RFT1: variants seen among roughly 807,000 people sequenced by gnomAD.
RFT1 encodes RFT1 glycolipid translocator homolog.
In RFT1, 43 loss-of-function variants were observed where a neutral mutation model predicts 62.2. That is an observed-to-expected ratio of 0.69 (90% confidence interval 0.54 to 0.89). The LOEUF (loss-of-function observed/expected upper bound fraction) is 0.89, where lower values mean the gene tolerates loss of function less well. Ranked by LOEUF, RFT1 falls within the 40% of genes least tolerant of loss-of-function variation. The pLI is 0.00. For synonymous variants in RFT1, 262 were observed against 264.6 expected (o/e 0.99, Z 0.10); for missense variants, 605 against 649.9 (o/e 0.93, Z 0.75).
At chr3:53,093,026 C>A (rs951049299) in intron 11 of RFT1, among the ~76,000 whole-genome samples, 1 of 152,144 alleles carries the variant, frequency 6.6e-6, no homozygotes, top group East Asian at 1.9e-4. Flanking sequence ...CCTTGCCCTG[C>A]AGAGCTTGGA....
At chr3:53,112,868 G>A (rs575668081) in intron 6 of RFT1, among the ~76,000 whole-genome samples, 218 of 152,294 alleles carry the variant, frequency 1.4e-3, no homozygotes, top group African/African-American at 2.2e-3. Flanking sequence ...CCAGGGAGCT[G>A]AGCACAAAAT....
the RFT1 span, among the ~76,000 whole-genome samples, chr3:53,074,768 G>A: frequency 6.6e-6 from 1 of 152,046 alleles, no homozygotes; most frequent in African/African-American, 2.4e-5. Context: ...CCGCACTCAG[G>A]GTATGTGCCA....
Position 53,092,006 on chromosome 3 carries a change from C to T in RFT1, c.1523G>A (p.Cys508Tyr), listed in dbSNP as rs775831032. 1 of 1,614,258 alleles carries T rather than the reference C, an allele frequency of 6.2e-7. No individual in the cohort carries two copies. Among genetic ancestry groups the T allele is most frequent in the Non-Finnish European group, 8.5e-7 (1 of 1,180,048 alleles). ...RLAHIAVGAF[C>Y]LGATLGTAFL... ...TGCTGTCCCGAGAGTTGCTCCCAGA[C>T]AGAAGGCCCCCACAGCAATGTGTGC... Residue 508 changes from cysteine (C) to tyrosine (Y), a missense_variant, in exon 13 of 13, where the codon TGT becomes TAT. Cys to Tyr is a radical substitution (Grantham distance 194, BLOSUM62 -2). Coordinates refer to ENST00000296292, the MANE Select transcript of RFT1 (RefSeq NM_052859.4).
the RFT1 span, among the ~76,000 whole-genome samples, chr3:53,078,685 T>C: frequency 6.6e-6 from 1 of 152,198 alleles, no homozygotes; most frequent in South Asian, 2.1e-4. Context: ...GAGGCTGCAG[T>C]AAGCTATGAT....
At position 53,111,048 on chromosome 3, in the gene RFT1, C is replaced by T. The variant is rs151175494; in HGVS notation, c.775+782G>A. ...CATTTTGTTGTTTAAGAAAATAAAT[C>T]CAGGATTAGGGAATTGACATAATTT... On this transcript the variant is annotated intron_variant, in intron 7 of 12. Transcript: ENST00000296292. Among the ~76,000 whole-genome samples, 87 of 151,148 alleles carry T rather than the reference C, an allele frequency of 5.8e-4. 1 individual carries two copies. The highest frequency in any genetic ancestry group is 2.0e-3 in the African/African-American group (84 of 41,182).
chr3:53,128,230 G>A (rs894230416), intron 1 of RFT1, among the ~76,000 whole-genome samples: 2 of 152,066 alleles, frequency 1.3e-5, no homozygotes, highest in Non-Finnish European at 2.9e-5. Context: ...CCCGGGAGGC[G>A]GATGTTGCAG....
chr3:53,082,128 A>G, the RFT1 span, among the ~76,000 whole-genome samples: 3 of 151,952 alleles, frequency 2.0e-5, no homozygotes, highest in Non-Finnish European at 4.4e-5. Context: ...TTATTTATAG[A>G]AACAGAATCT....
chr3:53,101,806 G>A (rs901329261), intron 10 of RFT1, among the ~76,000 whole-genome samples: 1 of 152,202 alleles, frequency 6.6e-6, no homozygotes, highest in African/African-American at 2.4e-5. Flanking sequence ...GGAGGCTGAA[G>A]GGGGGCAGAT....
rs1700969816 is a variant in RFT1 at position 53,090,899 on chromosome 3, CTT to C, written c.*1002_*1003del. The C allele has an allele frequency of 6.6e-6, 1 of 152,288 alleles. No individual in the cohort carries two copies. The highest frequency in any genetic ancestry group is 2.1e-4 in the South Asian group (1 of 4,836). The allele number at this position is 152,288 out of a possible 1,614,324, so 9.4% of individuals were successfully genotyped here. A position where few individuals can be genotyped will look rare whatever the true frequency, so the allele number is the denominator to read the frequency against. ...GTACCAGGCCCCCATGCCTGCCACT[CTT>C]GTCCTGGGGCTGGAATTTGGTTGTA... On this transcript the variant is annotated 3_prime_UTR_variant, in exon 13 of 13. Transcript: ENST00000296292.
At chr3:53,105,229 C>T (rs1003151800) in intron 9 of RFT1, among the ~76,000 whole-genome samples, 6 of 152,336 alleles carry the variant, frequency 3.9e-5, no homozygotes, top group Non-Finnish European at 7.3e-5. Flanking sequence ...GCCTGGCCAA[C>T]ATGGCAAAAC....
At chr3:53,076,924 C>T in the RFT1 span, among the ~76,000 whole-genome samples, 1 of 151,098 alleles carries the variant, frequency 6.6e-6, no homozygotes, top group East Asian at 1.9e-4. Flanking sequence ...TCCAGCTCAG[C>T]CTGGGCAACA....
intron 6 of RFT1, among the ~76,000 whole-genome samples, chr3:53,114,524 C>A (rs754633864): frequency 3.3e-5 from 5 of 152,072 alleles, no homozygotes; most frequent in Non-Finnish European, 7.4e-5. Flanking sequence ...ATCTGAGATG[C>A]GGCTTCTGCA....
chr3:53,119,683 T>C (rs918274171), intron 6 of RFT1, among the ~76,000 whole-genome samples: 2 of 152,178 alleles, frequency 1.3e-5, no homozygotes, highest in Non-Finnish European at 2.9e-5. Flanking sequence ...GGACAGCCCC[T>C]ACAACAAAGA....
rs1174840451 is a variant in RFT1 at position 53,091,898 on chromosome 3, T to C, written c.*5A>G. 6.2e-7 allele frequency: 1 copy of C among 1,614,156 alleles called. No individual in the cohort carries two copies. On this transcript the variant is annotated 3_prime_UTR_variant, in exon 13 of 13. Transcript: ENST00000296292. ...GGTGCCTCGGGTGTCCAGGCTTCCCTGAAGTCATGTCATTTTGTCAGTGCG... is the reference window on the plus strand; with the variant it reads ...GGTGCCTCGGGTGTCCAGGCTTCCCCGAAGTCATGTCATTTTGTCAGTGCG...
chr3:53,121,391 T>C (rs1386365247), intron 5 of RFT1, among the ~76,000 whole-genome samples: 1 of 152,124 alleles, frequency 6.6e-6, no homozygotes, highest in Non-Finnish European at 1.5e-5. Context: ...TTTACAAGAC[T>C]ATCAGATGAC....
the RFT1 span, among the ~76,000 whole-genome samples, chr3:53,071,547 A>G: frequency 6.6e-6 from 1 of 152,188 alleles, no homozygotes; most frequent in Admixed American, 6.5e-5. Context: ...AGATCCAGCC[A>G]TGGGGCTACC....
At chr3:53,087,303 G>A (rs1183244651), downstream of RFT1, among the ~76,000 whole-genome samples, 2 of 152,070 alleles carry the variant, frequency 1.3e-5, no homozygotes, top group East Asian at 1.9e-4. Flanking sequence ...TCCCCACCCC[G>A]TTTTCAGCCA....
At chr3:53,102,471 A>T (rs1377551184) in intron 10 of RFT1, among the ~76,000 whole-genome samples, 2 of 152,238 alleles carry the variant, frequency 1.3e-5, no homozygotes, top group East Asian at 3.8e-4. Flanking sequence ...AAATTCTGTG[A>T]ATGTGTGGGT....
intron 11 of RFT1, among the ~76,000 whole-genome samples, chr3:53,094,057 C>T (rs1701072085): frequency 6.6e-6 from 1 of 152,104 alleles, no homozygotes; most frequent in East Asian, 1.9e-4. Flanking sequence ...GCCCTCACCA[C>T]CAGAGTTCCT....
Sources: gnomAD v4.1 joint callset for allele counts (sites outside exome capture counted in the v4.1 genomes callset) on GRCh38, gnomAD v4.1.1 for gene constraint, MANE v1.5 for transcripts, NCBI Gene and HGNC (gene_info 2026-07-23, HGNC 2026-07-21) for gene names.